ZEB2: variants seen among roughly 807,000 people sequenced by gnomAD.
ZEB2 encodes the protein zinc finger E-box-binding homeobox 2.
A neutral mutation model predicts 99.9 loss-of-function variants in ZEB2; 6 were observed. The observed-to-expected ratio is 0.06, with a 90% CI of 0.03 to 0.12. The LOEUF is 0.12. ZEB2 is among the 10% of genes least tolerant of loss of function. The pLI, the probability that ZEB2 is intolerant of heterozygous loss-of-function variation, is 1.00. For synonymous variants in ZEB2, 517 were observed against 542.5 expected, an observed-to-expected ratio of 0.95 and a Z score of 0.65; for missense variants, 969 against 1,502.8, an observed-to-expected ratio of 0.64 and a Z score of 5.87.
intron 2 of ZEB2, among the ~76,000 whole-genome samples, chr2:144,473,303 G>T (rs372086298): frequency 3.9e-5 from 6 of 152,312 alleles, no homozygotes; most frequent in East Asian, 3.9e-4. Flanking sequence ...TAGGCAGATA[G>T]GGAAAATGAG....
intron 2 of ZEB2, among the ~76,000 whole-genome samples, chr2:144,443,135 A>G (rs1348894332): frequency 1.3e-5 from 2 of 152,150 alleles, no homozygotes; most frequent in Non-Finnish European, 2.9e-5. Flanking sequence ...CAGTTTCAAA[A>G]AATAGATCAT....
chr2:144,452,156 TAGTC>T (rs1299716921), intron 2 of ZEB2, among the ~76,000 whole-genome samples: 1 of 152,196 alleles, frequency 6.6e-6, no homozygotes, highest in Non-Finnish European at 1.5e-5. Flanking sequence ...CCTCTGCATT[TAGTC>T]AGATTCAGAA....
At chr2:144,508,217 C>T (rs555508766) in intron 2 of ZEB2, among the ~76,000 whole-genome samples, 28 of 152,146 alleles carry the variant, frequency 1.8e-4, no homozygotes, top group Non-Finnish European at 3.4e-4. Flanking sequence ...TCCTTGTATA[C>T]GGGCGTTTGT....
chr2:144,491,194 G>A (rs534187456), intron 2 of ZEB2, among the ~76,000 whole-genome samples: 1 of 152,362 alleles, frequency 6.6e-6, no homozygotes, highest in South Asian at 2.1e-4. Context: ...GCCATCAGTT[G>A]AGCCTAGCAG....
rs73964996 is a variant in ZEB2, at chr2:144,423,200, G to T, written c.403+1596C>A. ...CTTTAAACTCTAGGTGTATACAACAGCTAGTAAATTGTTACTTTGTGGGGT... is the reference window on the plus strand; with the variant it reads ...CTTTAAACTCTAGGTGTATACAACATCTAGTAAATTGTTACTTTGTGGGGT... On this transcript the variant is annotated intron_variant, in intron 4 of 9. Coordinates refer to ENST00000627532, the MANE Select transcript of ZEB2 (RefSeq NM_014795.4). Among the ~76,000 whole-genome samples, 631 of 152,274 alleles carry T rather than the reference G, an allele frequency of 4.1e-3. 5 individuals are homozygous for T. The highest frequency in any genetic ancestry group is 0.015 in the African/African-American group (603 of 41,556).
At chr2:144,454,969 GAGA>G (rs1209033555) in intron 2 of ZEB2, 1 of 152,150 alleles carries the variant, frequency 6.6e-6, no homozygotes, top group Admixed American at 6.5e-5. Flanking sequence ...TGCCCTGACA[GAGA>G]AGATTTCATT....
intron 2 of ZEB2, among the ~76,000 whole-genome samples, chr2:144,435,797 C>T (rs1195266632): frequency 2.0e-5 from 3 of 152,098 alleles, no homozygotes; most frequent in Admixed American, 1.3e-4. Context: ...GAACCTTAGC[C>T]TTTATTCCTC....
intron 2 of ZEB2, among the ~76,000 whole-genome samples, chr2:144,442,639 T>G (rs1429052194): frequency 6.6e-6 from 1 of 152,178 alleles, no homozygotes; most frequent in Non-Finnish European, 1.5e-5. Context: ...ATTCAAAATT[T>G]CAAATTGCCT....
intron 9 of ZEB2, among the ~76,000 whole-genome samples, chr2:144,391,535 G>A (rs1703154241): frequency 6.6e-6 from 1 of 152,308 alleles, no homozygotes; most frequent in African/African-American, 2.4e-5. Flanking sequence ...TTTTGAATGA[G>A]GTAAACTGGA....
chr2:144,398,264 T>C, intron 8 of ZEB2, 37 bp downstream of exon 8: 1 of 1,610,910 alleles, frequency 6.2e-7, no homozygotes, highest in South Asian at 1.1e-5. Context: ...AATTGCCACC[T>C]CTTTTCTTCA....
chr2:144,405,125 G>A, intron 4 of ZEB2, 101 bp from the exon 5 acceptor site: 1 of 1,242,922 alleles, frequency 8.0e-7, no homozygotes, highest in Non-Finnish European at 1.1e-6. Context: ...ACTTGCAATA[G>A]ACTACAAAAC....
intron 2 of ZEB2, chr2:144,461,938 C>G (rs758607364): frequency 6.6e-6 from 1 of 152,132 alleles, no homozygotes; most frequent in Non-Finnish European, 1.5e-5. Context: ...TAACTACTAA[C>G]ATCACACTTA....
At chr2:144,460,045 A>C (rs562813049) in intron 2 of ZEB2, among the ~76,000 whole-genome samples, 2 of 152,146 alleles carry the variant, frequency 1.3e-5, no homozygotes, top group African/African-American at 4.8e-5. Context: ...AGGGCTGCAT[A>C]AGACAGGGTT....
intron 2 of ZEB2, among the ~76,000 whole-genome samples, chr2:144,480,821 T>C (rs1303711671): frequency 1.3e-5 from 2 of 152,076 alleles, no homozygotes; most frequent in Non-Finnish European, 2.9e-5. Flanking sequence ...GCAATGTCAC[T>C]ACTGTGATAG....
intron 2 of ZEB2, among the ~76,000 whole-genome samples, chr2:144,486,205 C>T (rs1259536337): frequency 1.3e-5 from 2 of 152,144 alleles, no homozygotes; most frequent in Non-Finnish European, 2.9e-5. Flanking sequence ...AAAACAAACA[C>T]ATCTTTTCTT....
chr2:144,489,845 C>A (rs950963984), intron 2 of ZEB2, among the ~76,000 whole-genome samples: 3 of 152,196 alleles, frequency 2.0e-5, no homozygotes, highest in Admixed American at 6.5e-5. Flanking sequence ...CAACAGCAAA[C>A]TCGAACCATT....
At chr2:144,429,389 AT>A (rs1703736469) in intron 3 of ZEB2, 1 of 212,010 alleles carries the variant, frequency 4.7e-6, no homozygotes, top group African/African-American at 2.3e-5. Flanking sequence ...CACACAAAAT[AT>A]TTTTATATAC....
At chr2:144,443,746 G>A (rs148675806) in intron 2 of ZEB2, among the ~76,000 whole-genome samples, 5 of 151,830 alleles carry the variant, frequency 3.3e-5, no homozygotes, top group African/African-American at 7.2e-5. Flanking sequence ...TTCACTTTTC[G>A]CTCCCCACCA....
chr2:144,472,803 GAT>G (rs1328648819), intron 2 of ZEB2, among the ~76,000 whole-genome samples: 1 of 151,068 alleles, frequency 6.6e-6, no homozygotes, highest in East Asian at 2.0e-4. Context: ...GTGTGAGAAC[GAT>G]AAAAAAAGAA....
Sources: allele counts gnomAD v4.1 joint callset (sites outside exome capture counted in the v4.1 genomes callset), GRCh38; gene constraint gnomAD v4.1.1; transcripts MANE v1.5; gene names NCBI Gene and HGNC (gene_info 2026-07-23, HGNC 2026-07-21).